Variants in ALKBH1 observed in about 807,000 individuals in gnomAD.
ALKBH1 encodes alkB homolog 1, histone H2A dioxygenase.
A neutral mutation model predicts 36.6 loss-of-function variants in ALKBH1; 31 were observed. The ratio of observed to expected loss-of-function variants is 0.85; its 90% CI spans 0.64 to 1.14. The LOEUF (loss-of-function observed/expected upper bound fraction) is 1.14. ALKBH1 is among the 50% of genes most tolerant of loss of function. The pLI, the probability that ALKBH1 is intolerant of heterozygous loss-of-function variation, is 0.00. For synonymous variants in ALKBH1, 183 were observed against 186.6 expected, an observed-to-expected ratio of 0.98 and a Z score of 0.16; for missense variants, 490 against 497.3, an observed-to-expected ratio of 0.99 and a Z score of 0.14.
At chr14:77,696,180 C>T (rs1413678106) in intron 2 of ALKBH1, among the ~76,000 whole-genome samples, 1 of 152,132 alleles carries the variant, frequency 6.6e-6, no homozygotes, top group Admixed American at 6.5e-5. Context: ...ATGTGCCAGG[C>T]ACTTTCTTTC....
At chr14:77,680,235 A>G (rs1299660625) in intron 3 of ALKBH1, among the ~76,000 whole-genome samples, 1 of 152,122 alleles carries the variant, frequency 6.6e-6, no homozygotes. Context: ...GCATCTTGGT[A>G]ATGATAAAAT....
intron 3 of ALKBH1, among the ~76,000 whole-genome samples, chr14:77,689,973 A>C (rs1419742967): frequency 6.6e-6 from 1 of 152,206 alleles, no homozygotes; most frequent in Non-Finnish European, 1.5e-5. Context: ...TGGGCAACAT[A>C]GCAAGACACC....
intron 2 of ALKBH1, among the ~76,000 whole-genome samples, chr14:77,699,360 A>C (rs761883241): frequency 4.6e-5 from 7 of 152,234 alleles, no homozygotes; most frequent in Non-Finnish European, 7.3e-5. Context: ...TTGGCATATA[A>C]TTTAGTCATA....
rs2080192081 is a variant in ALKBH1 at position 77,674,143 on chromosome 14, C to T, written c.839G>A (p.Gly280Asp). ...MHSGDIMIMS[G>D]FSRLLNHAVP... ...TGCGTGGTTCAAGAGGCGGCTGAAA[C>T]CCGACATTATCATGATGTCACCACT... is the stretch of plus-strand genomic sequence containing the variant. Residue 280 changes from glycine (G) to aspartate (D), a missense_variant, in exon 6 of 6, where the codon GGT becomes GAT. Gly to Asp is a moderately conservative substitution (Grantham distance 94). Coordinates refer to ENST00000216489, the MANE Select transcript of ALKBH1 (RefSeq NM_006020.3). The T allele has an allele frequency of 1.2e-6, 2 of 1,614,198 alleles. No homozygotes were observed. Among genetic ancestry groups the T allele is most frequent in the Non-Finnish European group, 1.7e-6 (2 of 1,180,038 alleles).
At chr14:77,683,993 C>T (rs9323650) in intron 3 of ALKBH1, 27,478 of 152,738 alleles carry the variant, frequency 0.18, 2,598 homozygotes, top group East Asian at 0.26. Flanking sequence ...TCGTCATTTT[C>T]GCAAATTACT....
intron 1 of ALKBH1, 138 bp downstream of exon 1, chr14:77,707,684 G>C (rs543147720): frequency 3.6e-5 from 35 of 962,768 alleles, no homozygotes; most frequent in Middle Eastern, 3.6e-4. Flanking sequence ...TGGGGAGTTC[G>C]ACTCTGCAGC....
At chr14:77,685,480 A>T (rs553923601) in intron 3 of ALKBH1, among the ~76,000 whole-genome samples, 16 of 148,716 alleles carry the variant, frequency 1.1e-4, no homozygotes, top group African/African-American at 3.7e-4. Flanking sequence ...CTGTATGATT[A>T]AAAGAAAGGC....
chr14:77,707,382 AGAG>A (rs1307686600), intron 1 of ALKBH1, among the ~76,000 whole-genome samples: 3 of 152,244 alleles, frequency 2.0e-5, no homozygotes, highest in African/African-American at 7.2e-5. Context: ...TAAAAGAGCC[AGAG>A]GAGAAGACAG....
At chr14:77,705,411 G>GAAAAAAAAAAAAAAAAA (rs56123313) in intron 1 of ALKBH1, among the ~76,000 whole-genome samples, 1 of 113,394 alleles carries the variant, frequency 8.8e-6, no homozygotes, top group Non-Finnish European at 1.8e-5. Flanking sequence ...CTCCGTCTAA[G>GAAAAAAAAAAAAAAAAA]AAAAAAAAAA....
rs2080187344 is a variant in ALKBH1, at chr14:77,673,491, T to C, written c.*321A>G. 1 of 291,804 alleles carries C rather than the reference T, an allele frequency of 3.4e-6. No homozygotes were observed. Among genetic ancestry groups the C allele is most frequent in the East Asian group, 7.2e-5 (1 of 13,886 alleles). The allele number at this position is 291,804 out of a possible 1,614,324, so 18.1% of individuals were successfully genotyped here. ...GAGGTATTTAAATACTCTGCAAACA[T>C]GGAAACTCACTTCTACCTTCCTCAA... On this transcript the variant is annotated 3_prime_UTR_variant, in exon 6 of 6. Transcript: ENST00000216489.
chr14:77,681,764 G>A (rs1166258054), intron 3 of ALKBH1, among the ~76,000 whole-genome samples: 2 of 152,158 alleles, frequency 1.3e-5, no homozygotes, highest in East Asian at 1.9e-4. Flanking sequence ...TTTGCTTCTG[G>A]GAGTCTGTGA....
chr14:77,679,751 A>C (rs369497932), intron 4 of ALKBH1, 129 bp downstream of exon 4: 9 of 718,490 alleles, frequency 1.3e-5, no homozygotes, highest in African/African-American at 5.4e-5. Flanking sequence ...TTTTTAAGGA[A>C]ATAAAAGAAA....
At position 77,679,920 on chromosome 14, in the gene ALKBH1, C is replaced by T. The variant is rs368290025; in HGVS notation, c.506G>A (p.Arg169His). 1.8e-5 allele frequency: 29 copies of T among 1,614,044 alleles called. No homozygotes were observed. The highest frequency in any genetic ancestry group is 8.0e-5 in the African/African-American group (6 of 74,948). ...ATAATGGTAGCCTACGGTCACCCAA[C>T]GCAGTTTCTCCAGTAAACTTCGGGG... ...RRPRSLLEKLRWVTVGYHYNW... is the reference protein window; with the variant it reads ...RRPRSLLEKLHWVTVGYHYNW... The change falls in exon 4 of 6, where the codon CGT becomes CAT. Residue 169 changes from arginine to histidine, a missense_variant. Arg to His is a conservative substitution (Grantham distance 29). Coordinates refer to ENST00000216489, the MANE Select transcript of ALKBH1 (RefSeq NM_006020.3).
chr14:77,698,791 C>T (rs990908568), intron 2 of ALKBH1, among the ~76,000 whole-genome samples: 2 of 152,190 alleles, frequency 1.3e-5, no homozygotes, highest in East Asian at 1.9e-4. Context: ...GAGACAGAGT[C>T]TTGCTCTGTC....
rs564107468 is a variant in ALKBH1 at position 77,685,265 on chromosome 14, G to C, written c.456-5295C>G. 4.6e-5 allele frequency among the ~76,000 whole-genome samples: 7 copies of C among 151,942 alleles called. No homozygotes were observed. In the East Asian group the frequency reaches 1.4e-3, roughly 29 times the overall value. On this transcript the variant is annotated intron_variant, in intron 3 of 5. Transcript: ENST00000216489. Reference sequence around the variant, plus strand: ...CAAGACCAGCCTGGCCAACATGGTGGAACACTGTCTCTACTAAAAAACCAA... The same window carrying C: ...CAAGACCAGCCTGGCCAACATGGTGCAACACTGTCTCTACTAAAAAACCAA...
At chr14:77,684,660 A>G (rs1178386096) in intron 3 of ALKBH1, among the ~76,000 whole-genome samples, 2 of 152,010 alleles carry the variant, frequency 1.3e-5, no homozygotes, top group Non-Finnish European at 2.9e-5. Context: ...AATCCTCCCC[A>G]CCTCAGCCTC....
At chr14:77,702,136 T>C (rs1174838619) in intron 2 of ALKBH1, among the ~76,000 whole-genome samples, 2 of 152,050 alleles carry the variant, frequency 1.3e-5, no homozygotes, top group African/African-American at 4.8e-5. Context: ...CCATCTCTAC[T>C]AAAAACACAA....
At position 77,694,655 on chromosome 14, in the gene ALKBH1, G is replaced by A. The variant is rs369022996; in HGVS notation, c.455+83C>T. On this transcript the variant is annotated intron_variant, in intron 3 of 5. Coordinates refer to ENST00000216489, the MANE Select transcript of ALKBH1 (RefSeq NM_006020.3). ...AAAAACCCAGCCAGTCACTTTTACT[G>A]CATTGTTATAGAACAGTTCCTTCAA... 14 of 1,151,136 alleles carry A rather than the reference G, an allele frequency of 1.2e-5. No individual in the cohort carries two copies. In the East Asian group the frequency reaches 1.4e-4, roughly 12 times the overall value. The allele number at this position is 1,151,136 out of a possible 1,614,324, so 71.3% of individuals were successfully genotyped here.
At chr14:77,689,983 C>T (rs1396527249) in intron 3 of ALKBH1, among the ~76,000 whole-genome samples, 1 of 151,916 alleles carries the variant, frequency 6.6e-6, no homozygotes, top group Admixed American at 6.6e-5. Flanking sequence ...AGCAAGACAC[C>T]ATCTCTAAAA....
Sources: allele counts gnomAD v4.1 joint callset (sites outside exome capture counted in the v4.1 genomes callset), GRCh38; gene constraint gnomAD v4.1.1; transcripts MANE v1.5; gene names NCBI Gene and HGNC (gene_info 2026-07-23, HGNC 2026-07-21).